The following KIAA1217 variants were observed in gnomAD, a reference collection of about 807,000 sequenced individuals.
The protein encoded by KIAA1217 is sickle tail protein homolog.
A neutral mutation model predicts 163.9 loss-of-function variants in KIAA1217; 88 were observed. The ratio of observed to expected loss-of-function variants is 0.54; its 90% CI spans 0.45 to 0.64. The LOEUF (loss-of-function observed/expected upper bound fraction) is 0.64, where lower values mean the gene tolerates loss of function less well. KIAA1217 is among the 30% of genes least tolerant of loss of function. KIAA1217 has a pLI of 0.00. For synonymous variants in KIAA1217, 903 were observed against 923.1 expected (o/e 0.98, Z 0.39); for missense variants, 2,372 against 2,475.0 (o/e 0.96, Z 0.88).
intron 2 of KIAA1217, among the ~76,000 whole-genome samples, chr10:24,345,932 T>G (rs1244079372): frequency 6.6e-6 from 1 of 152,210 alleles, no homozygotes; most frequent in Non-Finnish European, 1.5e-5. Flanking sequence ...CTTGTAAAAC[T>G]GAAACTCTAT....
intron 5 of KIAA1217, among the ~76,000 whole-genome samples, chr10:24,468,811 T>G (rs951723052): frequency 2.6e-5 from 4 of 152,198 alleles, no homozygotes; most frequent in African/African-American, 9.7e-5. Flanking sequence ...CCCAATACAA[T>G]GTATCAGAAT....
intron 1 of KIAA1217, among the ~76,000 whole-genome samples, chr10:23,722,037 C>T (rs1837899452): frequency 6.6e-6 from 1 of 152,112 alleles, no homozygotes; most frequent in Admixed American, 6.6e-5. Flanking sequence ...CTGACACATA[C>T]TACAACATGA....
intron 5 of KIAA1217, among the ~76,000 whole-genome samples, chr10:24,442,350 A>G (rs1250590174): frequency 6.6e-6 from 1 of 151,736 alleles, no homozygotes; most frequent in Non-Finnish European, 1.5e-5. Context: ...TTTGGAGTTT[A>G]TTTGTTTTGT....
Position 23,790,349 on chromosome 10 carries a change from G to T in KIAA1217, c.-321+95115G>T, listed in dbSNP as rs868395456. Among the ~76,000 whole-genome samples, 274 of 84,254 alleles carry T rather than the reference G, an allele frequency of 3.3e-3. 86 individuals carry two copies. Among genetic ancestry groups the T allele is most frequent in the African/African-American group, 0.016 (261 of 16,434 alleles). 55.3% of individuals were successfully genotyped at this position (84,254 alleles called of 152,430 possible). A position where few individuals can be genotyped will look rare whatever the true frequency, so the allele number is the denominator to read the frequency against. On this transcript the variant is annotated intron_variant, in intron 1 of 18. Coordinates refer to the KIAA1217 transcript ENST00000376462. ...TATGCATATATGCATATATACATAT[G>T]CATATATGCATATATACATATACAT... is the stretch of plus-strand genomic sequence containing the variant.
At chr10:24,387,893 C>T (rs149604121) in intron 3 of KIAA1217, among the ~76,000 whole-genome samples, 58,927 of 150,296 alleles carry the variant, frequency 0.39, 13,937 homozygotes, top group African/African-American at 0.68. Context: ...CACTTCTCAA[C>T]GAAATAAAAG....
intron 3 of KIAA1217, among the ~76,000 whole-genome samples, chr10:24,416,098 C>T (rs1400310417): frequency 1.3e-5 from 2 of 152,188 alleles, no homozygotes; most frequent in Non-Finnish European, 2.9e-5. Context: ...ACTTTTCTAA[C>T]AGCCCTAGGA....
chr10:24,356,561 G>A (rs10764468), intron 2 of KIAA1217, among the ~76,000 whole-genome samples: 2 of 152,018 alleles, frequency 1.3e-5, no homozygotes, highest in African/African-American at 4.8e-5. Flanking sequence ...ACTTAATCCC[G>A]AATGCAACAG....
chr10:24,375,078 A>G (rs1309124697), intron 2 of KIAA1217, among the ~76,000 whole-genome samples: 1 of 152,124 alleles, frequency 6.6e-6, no homozygotes, highest in African/African-American at 2.4e-5. Context: ...GAGCCACTGT[A>G]CCTGACCCCA....
At chr10:24,289,253 C>T (rs1169532940) in intron 2 of KIAA1217, among the ~76,000 whole-genome samples, 1 of 152,026 alleles carries the variant, frequency 6.6e-6, no homozygotes, top group African/African-American at 2.4e-5. Context: ...GGGGTGGTGA[C>T]TGATTGAGAG....
At chr10:24,183,610 G>A (rs2066283093) in intron 2 of KIAA1217, among the ~76,000 whole-genome samples, 1 of 152,176 alleles carries the variant, frequency 6.6e-6, no homozygotes, top group African/African-American at 2.4e-5. Flanking sequence ...TTGTCCTCAT[G>A]CATTCCAGTA....
At chr10:24,110,437 A>G (rs1039198985) in intron 2 of KIAA1217, among the ~76,000 whole-genome samples, 4 of 152,214 alleles carry the variant, frequency 2.6e-5, no homozygotes, top group Non-Finnish European at 4.4e-5. Flanking sequence ...AACAACAAAA[A>G]CATACAAATT....
chr10:24,095,395 G>A (rs2062116451), intron 2 of KIAA1217, among the ~76,000 whole-genome samples: 1 of 152,102 alleles, frequency 6.6e-6, no homozygotes, highest in Admixed American at 6.5e-5. Context: ...CCCTCTAATG[G>A]TATTAATGGC....
chr10:24,526,318 C>A (rs145576132), intron 13 of KIAA1217, among the ~76,000 whole-genome samples: 1 of 152,160 alleles, frequency 6.6e-6, no homozygotes, highest in Admixed American at 6.5e-5. Flanking sequence ...TCAGAGCCAG[C>A]TATTTTAAAA....
At chr10:24,380,733 C>T in intron 2 of KIAA1217, 136 bp from the exon 3 acceptor site, 1 of 521,656 alleles carries the variant, frequency 1.9e-6, no homozygotes, top group Non-Finnish European at 3.1e-6. Flanking sequence ...CTTTAGTTTT[C>T]CCTATCTAAC....
At chr10:24,200,985 C>A (rs2067229397) in intron 2 of KIAA1217, among the ~76,000 whole-genome samples, 2 of 152,060 alleles carry the variant, frequency 1.3e-5, no homozygotes, top group South Asian at 4.1e-4. Context: ...AAAATCATTG[C>A]AGCAGCTGGG....
intron 1 of KIAA1217, among the ~76,000 whole-genome samples, chr10:23,821,143 A>G (rs901460962): frequency 4.7e-5 from 7 of 147,772 alleles, no homozygotes; most frequent in South Asian, 2.1e-4. Context: ...GTGTGATACT[A>G]AGTGAAGAGA....
intron 1 of KIAA1217, among the ~76,000 whole-genome samples, chr10:23,698,661 G>C (rs973680360): frequency 1.2e-4 from 18 of 152,168 alleles, no homozygotes; most frequent in African/African-American, 4.3e-4. Flanking sequence ...ATAGTGAAGG[G>C]TCTGCATTTC....
chr10:23,735,000 C>T (rs910952557), intron 1 of KIAA1217, among the ~76,000 whole-genome samples: 1 of 151,950 alleles, frequency 6.6e-6, no homozygotes, highest in Non-Finnish European at 1.5e-5. Flanking sequence ...TGTGTTTTTC[C>T]CCTCTAAAGA....
At chr10:24,101,486 C>T (rs529055569) in intron 2 of KIAA1217, among the ~76,000 whole-genome samples, 1 of 152,200 alleles carries the variant, frequency 6.6e-6, no homozygotes, top group African/African-American at 2.4e-5. Flanking sequence ...CTGGTGGACG[C>T]TTAAATCAAG....
Sources: allele counts gnomAD v4.1 joint callset (sites outside exome capture counted in the v4.1 genomes callset), GRCh38; gene constraint gnomAD v4.1.1; transcripts MANE v1.5; gene names NCBI Gene and HGNC (gene_info 2026-07-23, HGNC 2026-07-21).